SDK1: variants seen among roughly 807,000 people sequenced by gnomAD.
SDK1 encodes protein sidekick-1.
In SDK1, 157 loss-of-function variants were observed where a neutral mutation model predicts 245.5. That is an observed-to-expected ratio of 0.64 (90% confidence interval 0.56 to 0.73). The LOEUF is 0.73. Among genes scored for constraint, SDK1 ranks in the 30% least tolerant of loss-of-function variants. SDK1 has a pLI of 0.00. For synonymous variants in SDK1, 1,647 were observed against 1,278.5 expected, an observed-to-expected ratio of 1.29 and a Z score of -6.15; for missense variants, 3,583 against 3,002.3, an observed-to-expected ratio of 1.19 and a Z score of -4.52.
At chr7:4,151,746 A>G (rs1475751201) in intron 30 of SDK1, among the ~76,000 whole-genome samples, 3 of 152,218 alleles carry the variant, frequency 2.0e-5, no homozygotes, top group African/African-American at 7.2e-5. Context: ...CCATGTGGAC[A>G]TGCAGCCCAG....
chr7:3,628,775 A>C (rs1490640312), intron 2 of SDK1, among the ~76,000 whole-genome samples: 1 of 152,204 alleles, frequency 6.6e-6, no homozygotes, highest in African/African-American at 2.4e-5. Context: ...GTTGTTTTCA[A>C]GACATTGGAT....
At chr7:4,103,017 T>A (rs1176581547) in intron 22 of SDK1, among the ~76,000 whole-genome samples, 1 of 151,160 alleles carries the variant, frequency 6.6e-6, no homozygotes, top group Non-Finnish European at 1.5e-5. Flanking sequence ...CTTTTTTTTT[T>A]GGAGACAGAG....
At chr7:3,563,008 C>A (rs536074338) in intron 1 of SDK1, among the ~76,000 whole-genome samples, 2 of 150,620 alleles carry the variant, frequency 1.3e-5, no homozygotes, top group African/African-American at 4.9e-5. Flanking sequence ...AAAATACATG[C>A]AAGTAACCCA....
intron 4 of SDK1, among the ~76,000 whole-genome samples, chr7:3,648,564 C>T (rs1044637848): frequency 6.6e-6 from 1 of 152,210 alleles, no homozygotes; most frequent in Admixed American, 6.5e-5. Context: ...AATACTTGAA[C>T]ATCCATTAAC....
At chr7:3,465,578 G>C (rs1444474988) in intron 1 of SDK1, among the ~76,000 whole-genome samples, 2 of 152,086 alleles carry the variant, frequency 1.3e-5, no homozygotes, top group Non-Finnish European at 2.9e-5. Flanking sequence ...ATATACTGTT[G>C]GGTGATGGGT....
chr7:4,061,055 T>A lies in SDK1; in HGVS notation c.2912-6783T>A, dbSNP rs569000218. Among the ~76,000 whole-genome samples the A allele has an allele frequency of 1.3e-5, 2 of 152,362 alleles. 1 individual carries two copies. Among genetic ancestry groups the A allele is most frequent in the South Asian group, 4.1e-4 (2 of 4,828 alleles). On this transcript the variant is annotated intron_variant, in intron 19 of 44. Transcript: ENST00000404826. ...TTTTGGATACTGGAGCCTTGTAGTA[T>A]AGTTTGAAGTCAGGTAGCGTGATGC...
intron 4 of SDK1, among the ~76,000 whole-genome samples, chr7:3,686,844 T>G (rs1784298099): frequency 6.6e-6 from 1 of 152,166 alleles, no homozygotes; most frequent in Non-Finnish European, 1.5e-5. Context: ...AGAGTTGGAA[T>G]AATTTCAGTA....
chr7:3,350,900 C>T (rs908052264), intron 1 of SDK1, among the ~76,000 whole-genome samples: 4 of 152,130 alleles, frequency 2.6e-5, no homozygotes, highest in Admixed American at 2.6e-4. Context: ...AAGAATTTGG[C>T]TTTAACTGGT....
intron 5 of SDK1, among the ~76,000 whole-genome samples, chr7:3,882,421 T>G (rs192081071): frequency 3.3e-5 from 5 of 152,210 alleles, no homozygotes; most frequent in African/African-American, 1.2e-4. Flanking sequence ...AGGCCCCTCT[T>G]TCTCTTCAAG....
chr7:3,776,009 C>A (rs557084346), intron 4 of SDK1, among the ~76,000 whole-genome samples: 3 of 152,342 alleles, frequency 2.0e-5, no homozygotes, highest in Admixed American at 6.5e-5. Flanking sequence ...ATCCTAATCA[C>A]GTGTAACGTA....
In SDK1 at chr7:3,491,911, T is replaced by C. The variant is rs148127122; in HGVS notation, c.299-127169T>C. On this transcript the variant is annotated intron_variant, in intron 1 of 44. Coordinates refer to ENST00000404826, the MANE Select transcript of SDK1 (RefSeq NM_152744.4). ...ATAGTAATTAACATTGGTAACAGTA[T>C]ATTGATGACCACTGTTTAGCTGATA... is the stretch of plus-strand genomic sequence containing the variant. Among the ~76,000 whole-genome samples, 14 of 152,346 alleles carry C rather than the reference T, an allele frequency of 9.2e-5. No homozygotes were observed. In the East Asian group the frequency reaches 2.7e-3, roughly 29 times the overall value.
At chr7:3,309,051 A>G (rs1779487500) in intron 1 of SDK1, among the ~76,000 whole-genome samples, 1 of 152,070 alleles carries the variant, frequency 6.6e-6, no homozygotes, top group African/African-American at 2.4e-5. Context: ...GTAAGGAGGG[A>G]TTTTGTATCA....
At chr7:3,637,111 G>T (rs4722982) in intron 2 of SDK1, among the ~76,000 whole-genome samples, 1 of 150,962 alleles carries the variant, frequency 6.6e-6, no homozygotes, top group African/African-American at 2.4e-5. Flanking sequence ...GTGTGTGTGT[G>T]TTTTGAGAGA....
At chr7:3,861,159 C>T (rs1262043491) in intron 5 of SDK1, among the ~76,000 whole-genome samples, 1 of 152,082 alleles carries the variant, frequency 6.6e-6, no homozygotes, top group Admixed American at 6.6e-5. Flanking sequence ...TGTTTGTCCT[C>T]GTGTCAACTG....
chr7:3,879,860 C>G (rs974777654), intron 5 of SDK1, among the ~76,000 whole-genome samples: 1 of 152,184 alleles, frequency 6.6e-6, no homozygotes, highest in Non-Finnish European at 1.5e-5. Flanking sequence ...GCGGCTGTCA[C>G]AGCAAGCTGA....
At chr7:3,722,988 T>A (rs1778866493) in intron 4 of SDK1, among the ~76,000 whole-genome samples, 1 of 152,184 alleles carries the variant, frequency 6.6e-6, no homozygotes, top group African/African-American at 2.4e-5. Context: ...ACATTACTCT[T>A]TGGGAGAAGA....
At chr7:3,670,714 T>G (rs1562645098) in intron 4 of SDK1, among the ~76,000 whole-genome samples, 1 of 152,208 alleles carries the variant, frequency 6.6e-6, no homozygotes, top group Non-Finnish European at 1.5e-5. Context: ...ACCCGCTTGC[T>G]TCCCTTGCTT....
intron 5 of SDK1, among the ~76,000 whole-genome samples, chr7:3,908,521 G>C (rs528673077): frequency 4.1e-4 from 63 of 152,298 alleles, no homozygotes; most frequent in African/African-American, 1.5e-3. Flanking sequence ...GAGATTCATA[G>C]GCAGCTTCCC....
chr7:4,226,056 C>T (rs1283363494), intron 40 of SDK1, among the ~76,000 whole-genome samples: 1 of 152,190 alleles, frequency 6.6e-6, no homozygotes, highest in Non-Finnish European at 1.5e-5. Flanking sequence ...ATTTAAGCAC[C>T]TTGCTGGTAC....
Sources: allele counts gnomAD v4.1 joint callset (sites outside exome capture counted in the v4.1 genomes callset), GRCh38; gene constraint gnomAD v4.1.1; transcripts MANE v1.5; gene names NCBI Gene and HGNC (gene_info 2026-07-23, HGNC 2026-07-21).